NUP107: variants seen among roughly 807,000 people sequenced by gnomAD.
The protein encoded by NUP107 is nucleoporin 107.
A neutral mutation model predicts 141.0 loss-of-function variants in NUP107; 101 were observed. The observed-to-expected ratio is 0.72, with a 90% CI of 0.61 to 0.84. The LOEUF is 0.84. Among genes scored for constraint, NUP107 ranks in the 40% least tolerant of loss-of-function variants. The pLI is 0.00. For missense variants in NUP107, 941 were observed against 1,102.7 expected (o/e 0.85, Z 2.08); for synonymous variants, 319 against 363.9 (o/e 0.88, Z 1.41).
Position 68,725,782 on chromosome 12 carries a change from T to C in NUP107, c.1562T>C (p.Leu521Pro). 6.8e-7 allele frequency: 1 copy of C among 1,480,322 alleles called. No homozygotes were observed. The highest frequency in any genetic ancestry group is 9.3e-7 in the Non-Finnish European group (1 of 1,078,990). The allele number at this position is 1,480,322 out of a possible 1,614,324, so 91.7% of individuals were successfully genotyped here. A position where few individuals can be genotyped will look rare whatever the true frequency, so the allele number is the denominator to read the frequency against. The change falls in exon 18 of 28, where the codon CTG becomes CCG. Residue 521 changes from leucine to proline, a missense_variant. Transcript: ENST00000229179. ...HYHIVQKFLILGDIDGLMDEF... is the reference protein window; with the variant it reads ...HYHIVQKFLIPGDIDGLMDEF... ...CATATAGTTCAAAAGTTTCTTATCCTGGGAGACATTGATGGTAAGATATGG... is the reference window on the plus strand; with the variant it reads ...CATATAGTTCAAAAGTTTCTTATCCCGGGAGACATTGATGGTAAGATATGG...
chr12:68,688,863 T>C (rs1048243211), intron 1 of NUP107, 99 bp from the exon 2 acceptor site: 5 of 802,062 alleles, frequency 6.2e-6, no homozygotes, highest in Non-Finnish European at 9.9e-6. Context: ...GACTATACCT[T>C]AACTTACTCA....
At chr12:68,724,782 A>AAAAC (rs948157274) in intron 17 of NUP107, among the ~76,000 whole-genome samples, 1 of 152,158 alleles carries the variant, frequency 6.6e-6, no homozygotes. Flanking sequence ...CTCTGTCTCA[A>AAAAC]AAACAAACAA....
At chr12:68,740,485 A>AC (rs1878279288) in intron 26 of NUP107, among the ~76,000 whole-genome samples, 1 of 152,216 alleles carries the variant, frequency 6.6e-6, no homozygotes, top group South Asian at 2.1e-4. Flanking sequence ...ATGTTTGGAA[A>AC]CCTGACCTAG....
Position 68,692,093 on chromosome 12 carries a change from G to C in NUP107, c.429G>C (p.Glu143Asp). ...CTATCAGTGCTGTTATGTTACGTGA[G>C]GATGATCCTGGAGAAGCTGGTAAAA... ...DVTISAVMLR[E>D]DDPGEAASMS... Residue 143 changes from glutamate (E) to aspartate (D), a missense_variant, in exon 5 of 28, where the codon GAG (glutamate) becomes GAC (aspartate). Glu to Asp is a conservative substitution (Grantham distance 45). Transcript: ENST00000229179. 6.3e-7 allele frequency: 1 copy of C among 1,597,406 alleles called. No homozygotes were observed. The highest frequency in any genetic ancestry group is 2.2e-5 in the East Asian group (1 of 44,594).
intron 10 of NUP107, 135 bp from the exon 11 acceptor site, chr12:68,713,595 T>A: frequency 1.5e-6 from 1 of 656,836 alleles, no homozygotes. Context: ...TAAAATGTAC[T>A]TCTGTATTAA....
rs1878405408 is a variant in NUP107 at position 68,743,548 on chromosome 12, T to C, written c.*1086T>C. The stretch of plus-strand genomic sequence containing the variant: ...GTGACACAAGAAGGATGAGGCTCTA[T>C]AGATTAAGAAATCAGTATGAGCAAG... On this transcript the variant is annotated 3_prime_UTR_variant, in exon 28 of 28. Coordinates refer to ENST00000229179, the MANE Select transcript of NUP107 (RefSeq NM_020401.4). The C allele has an allele frequency of 6.6e-6, 1 of 152,246 alleles. No individual in the cohort carries two copies. Among genetic ancestry groups the C allele is most frequent in the Non-Finnish European group, 1.5e-5 (1 of 68,042 alleles). 9.4% of individuals were successfully genotyped at this position (152,246 alleles called of 1,614,324 possible).
chr12:68,721,365 A>G (rs1422618628), intron 15 of NUP107, among the ~76,000 whole-genome samples, 188 bp downstream of exon 15: 1 of 152,206 alleles, frequency 6.6e-6, no homozygotes, highest in Non-Finnish European at 1.5e-5. Context: ...GATGTATCCC[A>G]TAACATGCAT....
intron 1 of NUP107, among the ~76,000 whole-genome samples, chr12:68,688,638 T>C (rs551858008): frequency 1.3e-5 from 2 of 152,334 alleles, no homozygotes; most frequent in Admixed American, 6.5e-5. Flanking sequence ...ACAAGGGAAA[T>C]AAGATTCACT....
At chr12:68,717,616 C>T (rs1401590058) in intron 12 of NUP107, among the ~76,000 whole-genome samples, 1 of 152,108 alleles carries the variant, frequency 6.6e-6, no homozygotes, top group African/African-American at 2.4e-5. Flanking sequence ...GTTTCTAAAA[C>T]TTTTTCATCA....
intron 1 of NUP107, among the ~76,000 whole-genome samples, chr12:68,687,997 T>C (rs559530157): frequency 6.6e-6 from 1 of 152,116 alleles, no homozygotes; most frequent in Non-Finnish European, 1.5e-5. Context: ...ATGTAGGTCT[T>C]TGTAAAAGAA....
chr12:68,713,731 GA>G lies in NUP107; in HGVS notation c.896del (p.Asn299IlefsTer6). On this transcript the variant is annotated frameshift_variant and splice_region_variant, in exon 11 of 28. Coordinates refer to ENST00000229179, the MANE Select transcript of NUP107 (RefSeq NM_020401.4). LOFTEE classifies it high-confidence loss of function. ...TTTGGTACTTATTATTTCTTTCAGG[GA>G]AAATACTCTGCATACCTTAAAACAA... Reference protein sequence around the residue: ...IEFYAKSVYWENTLHTLKQRQ... With the variant: ...IEFYAKSVYWXNTLHTLKQRQ... The G allele has an allele frequency of 6.3e-7, 1 of 1,595,690 alleles. No homozygotes were observed.
intron 11 of NUP107, among the ~76,000 whole-genome samples, chr12:68,715,081 G>A (rs1459511814): frequency 6.6e-6 from 1 of 152,214 alleles, no homozygotes; most frequent in East Asian, 1.9e-4. Context: ...CCTGACTGAG[G>A]CATGCCCTTT....
chr12:68,721,554 C>T (rs1200204413), intron 15 of NUP107, among the ~76,000 whole-genome samples: 1 of 152,106 alleles, frequency 6.6e-6, no homozygotes, highest in Non-Finnish European at 1.5e-5. Flanking sequence ...CCACTACTCC[C>T]TACATATTAT....
At chr12:68,712,764 T>C (rs1280618067) in intron 10 of NUP107, among the ~76,000 whole-genome samples, 2 of 151,956 alleles carry the variant, frequency 1.3e-5, no homozygotes, top group African/African-American at 2.4e-5. Flanking sequence ...CACACTGATA[T>C]GGTCATTTGG....
In NUP107 at chr12:68,696,820, A is replaced by G. The variant is rs749743359; in HGVS notation, c.450A>G (p.Ala150=). Residue 150 remains alanine, a splice_region_variant and synonymous_variant, in exon 6 of 28, where the codon GCA becomes GCG. Coordinates refer to ENST00000229179, the MANE Select transcript of NUP107 (RefSeq NM_020401.4). ...MLREDDPGEA[A]SMSMFSDFLQ... ...TTTTTTTTTTTTGATGTGTTCTAGC[A>G]TCCATGAGTATGTTTTCTGATTTCC... is the stretch of plus-strand genomic sequence containing the variant. 3 of 1,554,350 alleles carry G rather than the reference A, an allele frequency of 1.9e-6. No individual in the cohort carries two copies. In the South Asian group the frequency reaches 3.4e-5, roughly 18 times the overall value.
chr12:68,735,721 G>C (rs1046018280), intron 26 of NUP107, among the ~76,000 whole-genome samples: 2 of 152,196 alleles, frequency 1.3e-5, no homozygotes, highest in Admixed American at 6.6e-5. Flanking sequence ...TGACCTGGCA[G>C]ACTTTTTAAA....
chr12:68,688,927 G>T (rs752602526), intron 1 of NUP107, 35 bp from the exon 2 acceptor site: 1 of 1,486,022 alleles, frequency 6.7e-7, no homozygotes, highest in South Asian at 1.2e-5. Context: ...CTATATTCTC[G>T]TTTCACTTAT....
chr12:68,699,963 C>T (rs980237830), intron 6 of NUP107, among the ~76,000 whole-genome samples: 1 of 152,112 alleles, frequency 6.6e-6, no homozygotes, highest in African/African-American at 2.4e-5. Context: ...AGTACAGTGG[C>T]AGGATCCCTG....
In NUP107 at chr12:68,719,352, CTG is replaced by C; in HGVS notation, c.1097_1098del (p.Cys366Ter). On this transcript the variant is annotated frameshift_variant, in exon 13 of 28. Transcript: ENST00000229179. LOFTEE classifies it high-confidence loss of function. ...AGMTEEAQRL[C>X]KRCGQAWRAA... The stretch of plus-strand genomic sequence containing the variant: ...TCTTGTTTTCTAAGGCACAACGACT[CTG>C]TAAACGCTGTGGTCAAGCATGGAGA... The C allele has an allele frequency of 1.9e-6, 3 of 1,614,034 alleles. No individual in the cohort carries two copies. Among genetic ancestry groups the C allele is most frequent in the African/African-American group, 1.3e-5 (1 of 75,042 alleles).
Sources: gnomAD v4.1 joint callset for allele counts (sites outside exome capture counted in the v4.1 genomes callset) on GRCh38, gnomAD v4.1.1 for gene constraint, MANE v1.5 for transcripts, NCBI Gene and HGNC (gene_info 2026-07-23, HGNC 2026-07-21) for gene names.